KIF26B: variants seen among roughly 807,000 people sequenced by gnomAD.
KIF26B encodes kinesin-like protein KIF26B.
A neutral mutation model predicts 151.2 loss-of-function variants in KIF26B; 63 were observed. The ratio of observed to expected loss-of-function variants is 0.42; its 90% CI spans 0.34 to 0.51. The LOEUF (loss-of-function observed/expected upper bound fraction) is 0.51. Ranked by LOEUF, KIF26B falls within the 20% of genes least tolerant of loss-of-function variation. The pLI is 0.07. For missense variants in KIF26B, 2,813 were observed against 2,913.6 expected (o/e 0.97, Z 0.79); for synonymous variants, 1,357 against 1,262.1 (o/e 1.08, Z -1.59).
intron 4 of KIF26B, among the ~76,000 whole-genome samples, chr1:245,463,454 G>A (rs772126718): frequency 3.1e-4 from 47 of 152,176 alleles, no homozygotes; most frequent in Non-Finnish European, 8.8e-5. Context: ...GTACCATGAC[G>A]GGTTTTCTTT....
chr1:245,485,636 G>A lies in KIF26B; in HGVS notation c.1167-55131G>A, dbSNP rs534445684. On this transcript the variant is annotated intron_variant, in intron 4 of 14. Coordinates refer to ENST00000407071, the MANE Select transcript of KIF26B (RefSeq NM_018012.4). ...TGACCTCAAGTGATCTGCCCGCCTC[G>A]GCCTCCCAGAGTGCTGGGATTACAG... Among the ~76,000 whole-genome samples the A allele has an allele frequency of 4.6e-5, 7 of 152,264 alleles. No individual in the cohort carries two copies. The East Asian group carries it at 1.2e-3, about 25-fold the overall frequency.
At chr1:245,558,974 A>G (rs752088830) in intron 5 of KIF26B, among the ~76,000 whole-genome samples, 1 of 152,194 alleles carries the variant, frequency 6.6e-6, no homozygotes, top group Non-Finnish European at 1.5e-5. Context: ...TGTAAGAAAA[A>G]CAGCTCATTG....
At chr1:245,190,955 A>G (rs1669097643) in intron 2 of KIF26B, among the ~76,000 whole-genome samples, 2 of 141,876 alleles carry the variant, frequency 1.4e-5, no homozygotes, top group African/African-American at 5.2e-5. Flanking sequence ...GCTACTCGGG[A>G]GGCTGAGGCT....
chr1:245,348,908 G>C (rs1429747477), intron 2 of KIF26B, among the ~76,000 whole-genome samples: 1 of 152,172 alleles, frequency 6.6e-6, no homozygotes, highest in Non-Finnish European at 1.5e-5. Flanking sequence ...TCCGGTCTCT[G>C]CTCCAGTGTC....
intron 5 of KIF26B, among the ~76,000 whole-genome samples, chr1:245,549,991 C>T (rs1405289517): frequency 6.6e-6 from 1 of 152,172 alleles, no homozygotes; most frequent in East Asian, 1.9e-4. Flanking sequence ...GTTGGCCAGG[C>T]TGGTCTTGAA....
At chr1:245,473,864 A>C (rs1302472252) in intron 4 of KIF26B, among the ~76,000 whole-genome samples, 2 of 151,786 alleles carry the variant, frequency 1.3e-5, no homozygotes, top group Non-Finnish European at 2.9e-5. Context: ...TCCTCAGTGC[A>C]GCTCTGCTCT....
intron 9 of KIF26B, among the ~76,000 whole-genome samples, chr1:245,619,739 C>A (rs933177537): frequency 1.3e-5 from 2 of 151,878 alleles, no homozygotes; most frequent in Non-Finnish European, 2.9e-5. Context: ...GTAGTGAAAC[C>A]TCGTCTCTAC....
chr1:245,379,615 A>G (rs1673356627), intron 3 of KIF26B, among the ~76,000 whole-genome samples: 1 of 151,958 alleles, frequency 6.6e-6, no homozygotes, highest in Non-Finnish European at 1.5e-5. Context: ...ATGTATTTAT[A>G]AAATATAAAC....
intron 2 of KIF26B, among the ~76,000 whole-genome samples, chr1:245,220,431 G>A (rs79389202): frequency 5.3e-5 from 2 of 37,496 alleles, no homozygotes; most frequent in South Asian, 1.1e-3. Context: ...CAGGGTCCAG[G>A]GTCCAGGGTC....
chr1:245,578,494 C>CTGTGTG (rs1341254283), intron 5 of KIF26B, among the ~76,000 whole-genome samples: 3 of 152,246 alleles, frequency 2.0e-5, no homozygotes, highest in Non-Finnish European at 2.9e-5. Flanking sequence ...CTGGTCACAG[C>CTGTGTG]TGTAGAGGAC....
chr1:245,274,492 G>C (rs1291812887), intron 2 of KIF26B, among the ~76,000 whole-genome samples: 1 of 151,686 alleles, frequency 6.6e-6, no homozygotes, highest in Non-Finnish European at 1.5e-5. Flanking sequence ...TTCTGTTCTT[G>C]TGTTAGTTTG....
At chr1:245,353,531 A>G (rs1426321229) in intron 2 of KIF26B, 1 of 152,284 alleles carries the variant, frequency 6.6e-6, no homozygotes, top group Non-Finnish European at 1.5e-5. Context: ...CCCTGCAGCC[A>G]CCCAGGTCAT....
intron 2 of KIF26B, among the ~76,000 whole-genome samples, chr1:245,361,994 G>A (rs1048996089): frequency 3.3e-5 from 5 of 151,696 alleles, no homozygotes; most frequent in Non-Finnish European, 7.4e-5. Flanking sequence ...TCCCTCTGCG[G>A]TGGTCGTATA....
chr1:245,218,026 G>A lies in KIF26B; in HGVS notation c.465+61343G>A, dbSNP rs192223603. 6.6e-6 allele frequency among the ~76,000 whole-genome samples: 1 copy of A among 152,246 alleles called. No individual in the cohort carries two copies. The highest frequency in any genetic ancestry group is 2.4e-5 in the African/African-American group (1 of 41,542). On this transcript the variant is annotated intron_variant, in intron 2 of 14. Coordinates refer to ENST00000407071, the MANE Select transcript of KIF26B (RefSeq NM_018012.4). This position sits in a 1 kb window ranked among gnomAD's most constrained non-coding sequence, Gnocchi z 4.1. ...CCTGCATTCTTTCCAAAGCCCCCAT[G>A]CGGTGACTCAGTATTTGGCCATTTT...
chr1:245,555,035 T>C (rs1301183777), intron 5 of KIF26B, among the ~76,000 whole-genome samples: 1 of 152,182 alleles, frequency 6.6e-6, no homozygotes, highest in Non-Finnish European at 1.5e-5. Flanking sequence ...TGCTCTTCCA[T>C]TGGAGGCAAC....
intron 2 of KIF26B, among the ~76,000 whole-genome samples, chr1:245,289,779 G>T: frequency 6.6e-6 from 1 of 152,062 alleles, no homozygotes; most frequent in East Asian, 1.9e-4. Flanking sequence ...AACAAAGAGA[G>T]GAACAACATC....
Position 245,270,940 on chromosome 1 carries a change from G to C in KIF26B, c.466-95894G>C, listed in dbSNP as rs73128840. On this transcript the variant is annotated intron_variant, in intron 2 of 14. Coordinates refer to ENST00000407071, the MANE Select transcript of KIF26B (RefSeq NM_018012.4). ...ATTTTGAGTTGAGGTTTATGTATGC[G>C]TAAGATAAGGATCCAATGCTTCTTT... Among the ~76,000 whole-genome samples, 1,049 of 152,250 alleles carry C rather than the reference G, an allele frequency of 6.9e-3. 13 individuals are homozygous for C. Among genetic ancestry groups the C allele is most frequent in the Non-Finnish European group, 7.2e-3 (490 of 68,012 alleles).
chr1:245,230,908 T>A (rs1433037615), intron 2 of KIF26B, among the ~76,000 whole-genome samples: 2 of 151,564 alleles, frequency 1.3e-5, no homozygotes, highest in African/African-American at 4.9e-5. Flanking sequence ...TACCAGAAAT[T>A]TGAAAAATCT....
At chr1:245,198,995 G>A (rs10924116) in intron 2 of KIF26B, among the ~76,000 whole-genome samples, 1 of 37,476 alleles carries the variant, frequency 2.7e-5, no homozygotes, top group East Asian at 8.2e-4. Flanking sequence ...GCTGAGGCTG[G>A]AGTCCCAAGC....
Sources: gnomAD v4.1 joint callset for allele counts (sites outside exome capture counted in the v4.1 genomes callset) on GRCh38, gnomAD v4.1.1 for gene constraint, Gnocchi (gnomAD v3.1) non-coding constraint, MANE v1.5 for transcripts, NCBI Gene and HGNC (gene_info 2026-07-23, HGNC 2026-07-21) for gene names.